ENOX1: variants seen among roughly 807,000 people sequenced by gnomAD.
ENOX1 encodes candidate growth-related and time keeping constitutive hydroquinone (NADH) oxidase.
Under a neutral mutation model 82.5 loss-of-function variants are expected in ENOX1, and 42 were observed. That is an observed-to-expected ratio of 0.51 (90% CI 0.40 to 0.66). ENOX1 has a LOEUF of 0.66. Among genes scored for constraint, ENOX1 ranks in the 30% least tolerant of loss-of-function variants. ENOX1 has a pLI of 0.00. For synonymous variants in ENOX1, 271 were observed against 282.2 expected, an observed-to-expected ratio of 0.96 and a Z score of 0.40; for missense variants, 608 against 811.6, an observed-to-expected ratio of 0.75 and a Z score of 3.05.
At chr13:43,630,933 T>G (rs79640161) in intron 2 of ENOX1, among the ~76,000 whole-genome samples, 1 of 149,330 alleles carries the variant, frequency 6.7e-6, no homozygotes, top group Admixed American at 6.6e-5. Context: ...GTGTGTGTGT[T>G]TGTGTGTGTG....
chr13:43,711,426 G>A (rs1479794312), intron 1 of ENOX1, among the ~76,000 whole-genome samples: 1 of 152,192 alleles, frequency 6.6e-6, no homozygotes, highest in East Asian at 1.9e-4. Context: ...AATCCTTTGG[G>A]TATATACCCA....
At chr13:43,719,348 C>CACACACACACACACACACACA (rs2088400320) in intron 1 of ENOX1, among the ~76,000 whole-genome samples, 13 of 149,254 alleles carry the variant, frequency 8.7e-5, no homozygotes, top group South Asian at 2.1e-4. Flanking sequence ...CACACACACA[C>CACACACACACACACACACACA]CAGCAATCGC....
intron 15 of ENOX1, among the ~76,000 whole-genome samples, chr13:43,224,511 T>A (rs1040441657): frequency 4.6e-5 from 7 of 152,244 alleles, no homozygotes; most frequent in African/African-American, 1.7e-4. Context: ...CTCAGTGGAC[T>A]TTGCAGTATG....
At chr13:43,607,680 A>C (rs1945676885) in intron 2 of ENOX1, among the ~76,000 whole-genome samples, 1 of 152,186 alleles carries the variant, frequency 6.6e-6, no homozygotes, top group South Asian at 2.1e-4. Flanking sequence ...AAGTATAAAA[A>C]CTGAAGCTCA....
At chr13:43,306,631 T>G (rs2046880648) in intron 11 of ENOX1, among the ~76,000 whole-genome samples, 1 of 152,158 alleles carries the variant, frequency 6.6e-6, no homozygotes, top group South Asian at 2.1e-4. Context: ...GACAGAAACT[T>G]TAAACAGCAA....
At chr13:43,746,387 T>C (rs1950020887) in intron 1 of ENOX1, among the ~76,000 whole-genome samples, 1 of 152,188 alleles carries the variant, frequency 6.6e-6, no homozygotes, top group South Asian at 2.1e-4. Context: ...AAAAATTCTT[T>C]GGACATTTAT....
At chr13:43,236,318 C>T (rs954289355) in intron 15 of ENOX1, among the ~76,000 whole-genome samples, 3 of 152,140 alleles carry the variant, frequency 2.0e-5, no homozygotes, top group Non-Finnish European at 4.4e-5. Context: ...GAACTAGATG[C>T]AACCTGGCCT....
chr13:43,222,380 T>TACACACACACACACACACAC (rs35476412), intron 16 of ENOX1, among the ~76,000 whole-genome samples: 41 of 149,192 alleles, frequency 2.7e-4, no homozygotes, highest in African/African-American at 9.8e-4. Flanking sequence ...GAGATGATTT[T>TACACACACACACACACACAC]ACACACACAC....
intron 9 of ENOX1, among the ~76,000 whole-genome samples, chr13:43,338,863 T>C (rs1594024641): frequency 6.6e-6 from 1 of 152,024 alleles, no homozygotes; most frequent in East Asian, 1.9e-4. Context: ...TTTTTTGTAT[T>C]TTTAGTAGAG....
chr13:43,772,979 C>A (rs1445752157), intron 1 of ENOX1, among the ~76,000 whole-genome samples: 1 of 152,062 alleles, frequency 6.6e-6, no homozygotes, highest in African/African-American at 2.4e-5. Context: ...GGATTTTGTC[C>A]CCCTTACAGA....
intron 2 of ENOX1, chr13:43,547,021 G>C (rs1007308578): frequency 6.6e-6 from 1 of 152,160 alleles, no homozygotes; most frequent in Non-Finnish European, 1.5e-5. Flanking sequence ...CTCCCTCTGG[G>C]CCAATCGAGG....
At position 43,265,386 on chromosome 13, in the gene ENOX1, T is replaced by C. The variant is rs1024609604; in HGVS notation, c.1611+12A>G. On this transcript the variant is annotated intron_variant, in intron 14 of 16. Transcript: ENST00000690772. ...AAGCAAGAAGAACAAATACCAGGTT[T>C]GTGGTACCTACATTTGAATCCTCAT... is the stretch of plus-strand genomic sequence containing the variant. 2 of 1,609,224 alleles carry C rather than the reference T, an allele frequency of 1.2e-6. No homozygotes were observed. The highest frequency in any genetic ancestry group is 1.7e-6 in the Non-Finnish European group (2 of 1,177,252).
At chr13:43,771,137 T>C (rs774025249) in intron 1 of ENOX1, among the ~76,000 whole-genome samples, 2 of 151,998 alleles carry the variant, frequency 1.3e-5, no homozygotes, top group African/African-American at 2.4e-5. Flanking sequence ...AAATGAAACA[T>C]CCTACAGAAG....
rs148861797 is a variant in ENOX1, at chr13:43,675,796, G to T, written c.-284-8252C>A. On this transcript the variant is annotated intron_variant, in intron 1 of 16. Transcript: ENST00000690772. Reference sequence around the variant, plus strand: ...TCTGCCTATCATCTGGAGCATGTGGGGCACCCTGCAAGCACTGCGAGAGAA... The same window carrying T: ...TCTGCCTATCATCTGGAGCATGTGGTGCACCCTGCAAGCACTGCGAGAGAA... 5.0e-3 allele frequency among the ~76,000 whole-genome samples: 768 copies of T among 152,214 alleles called. 8 individuals are homozygous for T. Among genetic ancestry groups the T allele is most frequent in the African/African-American group, 0.017 (711 of 41,542 alleles).
At chr13:43,547,114 G>C (rs978106965) in intron 2 of ENOX1, 2 of 152,196 alleles carry the variant, frequency 1.3e-5, no homozygotes, top group South Asian at 2.1e-4. Flanking sequence ...AGTCAGGCCT[G>C]GCCCATCCTC....
chr13:43,433,422 C>A (rs1337070000), intron 3 of ENOX1, among the ~76,000 whole-genome samples: 1 of 152,162 alleles, frequency 6.6e-6, no homozygotes, highest in Non-Finnish European at 1.5e-5. Context: ...CACTGTCACA[C>A]TGGGGATCAA....
At chr13:43,388,294 C>A (rs1367869935) in intron 5 of ENOX1, among the ~76,000 whole-genome samples, 7 of 152,162 alleles carry the variant, frequency 4.6e-5, no homozygotes, top group Non-Finnish European at 1.0e-4. Flanking sequence ...AGATACCCAA[C>A]GAGCAAATCA....
chr13:43,470,320 A>ATATATATACATATATATATACG (rs1566306392), intron 3 of ENOX1, among the ~76,000 whole-genome samples: 1 of 43,524 alleles, frequency 2.3e-5, no homozygotes, highest in Non-Finnish European at 5.7e-5. Context: ...ATATATACAC[A>ATATATATACATATATATATACG]TATATATATG....
At chr13:43,392,445 G>A (rs543052317) in intron 5 of ENOX1, among the ~76,000 whole-genome samples, 8 of 152,312 alleles carry the variant, frequency 5.3e-5, no homozygotes, top group Non-Finnish European at 1.0e-4. Context: ...TTGGGAGGGC[G>A]AGGCGGGTGG....
Sources: gnomAD v4.1 joint callset for allele counts (sites outside exome capture counted in the v4.1 genomes callset) on GRCh38, gnomAD v4.1.1 for gene constraint, MANE v1.5 for transcripts, NCBI Gene and HGNC (gene_info 2026-07-23, HGNC 2026-07-21) for gene names.